ADGRL4: variants seen among roughly 807,000 people sequenced by gnomAD.
The protein encoded by ADGRL4 is EGF, latrophilin and seven transmembrane domain containing 1.
A neutral mutation model predicts 74.8 loss-of-function variants in ADGRL4; 90 were observed. That is an observed-to-expected ratio of 1.20 (90% CI 1.02 to 1.43). The LOEUF is 1.43. Ranked by LOEUF, ADGRL4 falls within the 40% of genes most tolerant of loss-of-function variation. The probability of loss-of-function intolerance (pLI) is 0.00; values close to 1 mark genes in which losing one functional copy is unlikely to be tolerated. For missense variants in ADGRL4, 881 were observed against 814.3 expected, an observed-to-expected ratio of 1.08 and a Z score of -1.00; for synonymous variants, 311 against 279.2, an observed-to-expected ratio of 1.11 and a Z score of -1.14.
intron 12 of ADGRL4, among the ~76,000 whole-genome samples, chr1:78,898,484 A>G (rs1211626158): frequency 6.6e-6 from 1 of 151,874 alleles, no homozygotes; most frequent in African/African-American, 2.4e-5. Context: ...TTGTAAATGA[A>G]TATTCCTTCA....
At chr1:78,973,130 G>A (rs1332586493) in intron 2 of ADGRL4, among the ~76,000 whole-genome samples, 3 of 151,950 alleles carry the variant, frequency 2.0e-5, no homozygotes, top group African/African-American at 7.3e-5. Context: ...TAGTTTCAAG[G>A]CATTTTTAAA....
chr1:78,936,398 G>GAAA lies in ADGRL4; in HGVS notation c.771_773dup (p.Phe260dup), dbSNP rs1649354651. The GAAA allele has an allele frequency of 6.4e-7, 1 of 1,566,222 alleles. No individual in the cohort carries two copies. Among genetic ancestry groups the GAAA allele is most frequent in the Non-Finnish European group, 8.6e-7 (1 of 1,163,650 alleles). ...GTTTCATGTTATATGAATCAAAAAA[G>GAAA]AAAACTTTGAGAGCTGAAACAAAAC... On this transcript the variant is annotated inframe_insertion, in exon 7 of 15. Coordinates refer to ENST00000370742, the MANE Select transcript of ADGRL4 (RefSeq NM_022159.4).
rs1408532252 is a variant in ADGRL4 at position 78,963,988 on chromosome 1, CTA to C, written c.173-17564_173-17563del. Among the ~76,000 whole-genome samples the C allele has an allele frequency of 9.8e-5, 15 of 152,308 alleles. No homozygotes were observed. In the East Asian group the frequency reaches 2.7e-3, roughly 27 times the overall value. ...AGGGTCAGTTAGAAGTTGCTTTCCT[CTA>C]TCAGTTTTGCAGTCTTATACCACTG... On this transcript the variant is annotated intron_variant, in intron 2 of 14. Transcript: ENST00000370742.
At chr1:78,921,524 T>C (rs1648999053) in intron 9 of ADGRL4, 89 bp downstream of exon 9, 1 of 832,858 alleles carries the variant, frequency 1.2e-6, no homozygotes, top group Non-Finnish European at 1.7e-6. Flanking sequence ...CCAAGAAAAA[T>C]ATATAAAAAA....
chr1:78,893,694 T>C (rs191381918), intron 12 of ADGRL4, among the ~76,000 whole-genome samples: 74 of 152,072 alleles, frequency 4.9e-4, no homozygotes, highest in Non-Finnish European at 9.1e-4. Flanking sequence ...ATCTAGATTC[T>C]CTCCTAATAC....
chr1:78,901,171 T>G (rs1648510562), intron 12 of ADGRL4, among the ~76,000 whole-genome samples: 1 of 152,136 alleles, frequency 6.6e-6, no homozygotes, highest in Non-Finnish European at 1.5e-5. Context: ...ACTTAAAAAT[T>G]AATTCATTGT....
At chr1:78,957,851 G>A (rs896336747) in intron 2 of ADGRL4, among the ~76,000 whole-genome samples, 4 of 152,244 alleles carry the variant, frequency 2.6e-5, no homozygotes, top group Non-Finnish European at 5.9e-5. Flanking sequence ...CATAGCTAGA[G>A]AGGAGAAGTC....
At chr1:78,970,665 G>C (rs1650150143) in intron 2 of ADGRL4, among the ~76,000 whole-genome samples, 1 of 152,162 alleles carries the variant, frequency 6.6e-6, no homozygotes, top group South Asian at 2.1e-4. Flanking sequence ...AGATGGATAG[G>C]CATTAATCTT....
chr1:79,000,375 AACTTAGTCTGTAAAG>A (rs1369813246), intron 2 of ADGRL4, among the ~76,000 whole-genome samples: 1 of 152,218 alleles, frequency 6.6e-6, no homozygotes, highest in Non-Finnish European at 1.5e-5. Flanking sequence ...TGATTCCTAA[AACTTAGTCTGTAAAG>A]CTGACCTTAA....
intron 3 of ADGRL4, 123 bp downstream of exon 3, chr1:78,946,151 A>T (rs1033657256): frequency 3.6e-6 from 2 of 559,570 alleles, no homozygotes; most frequent in Non-Finnish European, 5.7e-6. Context: ...TACATTTCTG[A>T]AAGTACTTAA....
In ADGRL4 at chr1:78,999,585, A is replaced by T. The variant is rs141226833; in HGVS notation, c.172+5485T>A. 2.4e-3 allele frequency among the ~76,000 whole-genome samples: 372 copies of T among 152,214 alleles called. 8 individuals are homozygous for T. The East Asian group carries it at 0.039, about 16-fold the overall frequency. On this transcript the variant is annotated intron_variant, in intron 2 of 14. Coordinates refer to ENST00000370742, the MANE Select transcript of ADGRL4 (RefSeq NM_022159.4). Reference sequence around the variant, plus strand: ...GAGACTCCGTCTTAAATAAATAAATAAATAAATAGAATACAATTTTTATTT... The same window carrying T: ...GAGACTCCGTCTTAAATAAATAAATTAATAAATAGAATACAATTTTTATTT...
At chr1:78,943,413 G>C (rs558764978) in intron 3 of ADGRL4, among the ~76,000 whole-genome samples, 2 of 152,294 alleles carry the variant, frequency 1.3e-5, no homozygotes, top group South Asian at 4.1e-4. Context: ...CAAAGAGGAG[G>C]AGAAATATGT....
intron 12 of ADGRL4, among the ~76,000 whole-genome samples, chr1:78,907,908 A>C (rs565860068): frequency 3.3e-5 from 5 of 152,068 alleles, no homozygotes; most frequent in African/African-American, 1.2e-4. Context: ...TGTCATTTTG[A>C]TCAGATACAA....
intron 2 of ADGRL4, among the ~76,000 whole-genome samples, chr1:78,992,827 G>A (rs1650635433): frequency 1.3e-5 from 2 of 151,990 alleles, no homozygotes; most frequent in Admixed American, 1.3e-4. Flanking sequence ...ACTGTACAGT[G>A]GTGTTCTGTC....
intron 8 of ADGRL4, among the ~76,000 whole-genome samples, chr1:78,924,387 A>G (rs1404375079): frequency 6.6e-6 from 1 of 152,038 alleles, no homozygotes; most frequent in Non-Finnish European, 1.5e-5. Context: ...CCACCAAAAT[A>G]CATATATAAA....
At chr1:78,959,073 C>CT (rs1196354262) in intron 2 of ADGRL4, among the ~76,000 whole-genome samples, 4 of 152,124 alleles carry the variant, frequency 2.6e-5, no homozygotes, top group Non-Finnish European at 5.9e-5. Flanking sequence ...AGACATAATG[C>CT]TACTACACAC....
chr1:78,969,339 A>G (rs1221646409), intron 2 of ADGRL4, among the ~76,000 whole-genome samples: 1 of 152,204 alleles, frequency 6.6e-6, no homozygotes, highest in Non-Finnish European at 1.5e-5. Context: ...TAAGAGGCCA[A>G]GTTCAACTTG....
intron 2 of ADGRL4, among the ~76,000 whole-genome samples, chr1:78,975,975 A>T (rs1392494554): frequency 6.6e-6 from 1 of 152,038 alleles, no homozygotes; most frequent in Non-Finnish European, 1.5e-5. Flanking sequence ...ATCAAAAAAC[A>T]GTAATCCCTG....
At position 78,891,225 on chromosome 1, in the gene ADGRL4, T is replaced by A; in HGVS notation, c.2011-9A>T. ...TAATATTCTTCTTGAATCTAAAAAT[T>A]AAAAAAAGGAAAGGAAGAAATGTTA... On this transcript the variant is annotated splice_polypyrimidine_tract_variant and intron_variant, in intron 14 of 14. Coordinates refer to ENST00000370742, the MANE Select transcript of ADGRL4 (RefSeq NM_022159.4). 1.3e-6 allele frequency: 2 copies of A among 1,590,722 alleles called. No homozygotes were observed. Among genetic ancestry groups the A allele is most frequent in the Admixed American group, 1.8e-5 (1 of 56,890 alleles).
Sources: gnomAD v4.1 joint callset for allele counts (sites outside exome capture counted in the v4.1 genomes callset) on GRCh38, gnomAD v4.1.1 for gene constraint, MANE v1.5 for transcripts, NCBI Gene and HGNC (gene_info 2026-07-23, HGNC 2026-07-21) for gene names.